The following FOXN3 variants were observed in gnomAD, a reference collection of about 807,000 sequenced individuals.
FOXN3 encodes the protein forkhead box N3.
Under a neutral mutation model 38.4 loss-of-function variants are expected in FOXN3, and 7 were observed. That is an observed-to-expected ratio of 0.18 (90% CI 0.10 to 0.34). FOXN3 has a LOEUF of 0.34. Among genes scored for constraint, FOXN3 ranks in the 10% least tolerant of loss-of-function variants. The probability of loss-of-function intolerance (pLI) is 1.00; values close to 1 mark genes in which losing one functional copy is unlikely to be tolerated. For synonymous variants in FOXN3, 230 were observed against 242.2 expected (o/e 0.95, Z 0.47); for missense variants, 456 against 613.4 (o/e 0.74, Z 2.71).
intron 3 of FOXN3, 60 bp downstream of exon 3, chr14:89,350,612 G>A: frequency 7.3e-7 from 1 of 1,369,906 alleles, no homozygotes; most frequent in Non-Finnish European, 9.6e-7. Flanking sequence ...TTTCCGCGCA[G>A]GTCTCTGCCA....
intron 1 of FOXN3, among the ~76,000 whole-genome samples, chr14:89,525,841 T>C (rs1029046877): frequency 6.6e-6 from 1 of 151,992 alleles, no homozygotes; most frequent in Non-Finnish European, 1.5e-5. Flanking sequence ...CCAATATCTC[T>C]CATGAATATA....
At chr14:89,432,577 C>T (rs1324372609) in intron 1 of FOXN3, among the ~76,000 whole-genome samples, 1 of 152,178 alleles carries the variant, frequency 6.6e-6, no homozygotes, top group Non-Finnish European at 1.5e-5. Flanking sequence ...CTTCAAGAAG[C>T]TCACTCATTT....
intron 1 of FOXN3, among the ~76,000 whole-genome samples, chr14:89,541,763 A>G (rs1004557012): frequency 6.6e-6 from 1 of 152,030 alleles, no homozygotes; most frequent in African/African-American, 2.4e-5. Flanking sequence ...CTTTCCCGTA[A>G]CAGTGCTATG....
At chr14:89,260,362 T>C (rs1489329011) in intron 4 of FOXN3, among the ~76,000 whole-genome samples, 2 of 152,262 alleles carry the variant, frequency 1.3e-5, no homozygotes, top group East Asian at 1.9e-4. Context: ...GCCAGGTCTC[T>C]GGGAGAGCCC....
Position 89,160,099 on chromosome 14 carries a change from T to G in FOXN3, c.*2315A>C, listed in dbSNP as rs544256420. The G allele has an allele frequency of 6.6e-6, 1 of 152,216 alleles. No homozygotes were observed. The highest frequency in any genetic ancestry group is 2.1e-4 in the South Asian group (1 of 4,810). The allele number at this position is 152,216 out of a possible 1,614,324, so 9.4% of individuals were successfully genotyped here. On this transcript the variant is annotated 3_prime_UTR_variant, in exon 6 of 6. Coordinates refer to ENST00000557258, the MANE Select transcript of FOXN3 (RefSeq NM_005197.4). The stretch of plus-strand genomic sequence containing the variant: ...TTTTAAAAGTTAAGGTCATCTCTGT[T>G]CCCTCCCTCTCCTCACGCATCATAT...
At position 89,394,212 on chromosome 14, in the gene FOXN3, C is replaced by CTTTT. The variant is rs35674375; in HGVS notation, c.543+17718_543+17721dup. Among the ~76,000 whole-genome samples the CTTTT allele has an allele frequency of 5.7e-4, 63 of 109,588 alleles. 2 individuals are homozygous for CTTTT. The highest frequency in any genetic ancestry group is 9.3e-4 in the African/African-American group (23 of 24,686). 71.9% of individuals were successfully genotyped at this position (109,588 alleles called of 152,430 possible). On this transcript the variant is annotated intron_variant, in intron 2 of 5. Transcript: ENST00000557258. ...CACCACCACAATGGGGATCGACGTT[C>CTTTT]TTTTTTTTTTTTTTTTTTTTTTGAG...
intron 4 of FOXN3, among the ~76,000 whole-genome samples, chr14:89,232,148 C>A (rs1350714992): frequency 6.6e-6 from 1 of 152,228 alleles, no homozygotes. Context: ...TTTTCCACAT[C>A]TAGGCCTGCC....
chr14:89,472,249 C>A (rs1431553636), intron 1 of FOXN3, among the ~76,000 whole-genome samples: 3 of 146,912 alleles, frequency 2.0e-5, no homozygotes, highest in African/African-American at 7.6e-5. Context: ...AGTGAGAACC[C>A]ATCTCAAAAA....
intron 1 of FOXN3, among the ~76,000 whole-genome samples, chr14:89,497,574 T>C (rs777231856): frequency 1.1e-4 from 16 of 151,576 alleles, no homozygotes; most frequent in South Asian, 6.3e-4. Flanking sequence ...GCCCGGCTAA[T>C]TTTGTATTTT....
chr14:89,298,139 A>T (rs1887102335), intron 3 of FOXN3, among the ~76,000 whole-genome samples: 1 of 152,244 alleles, frequency 6.6e-6, no homozygotes. Flanking sequence ...CATACGTTAT[A>T]ACATGAACCT....
chr14:89,465,865 T>C (rs1760734085), intron 1 of FOXN3, among the ~76,000 whole-genome samples: 1 of 152,268 alleles, frequency 6.6e-6, no homozygotes, highest in Non-Finnish European at 1.5e-5. Context: ...CTGGATTGTA[T>C]TGTAAAATTA....
intron 1 of FOXN3, among the ~76,000 whole-genome samples, chr14:89,470,272 T>A (rs1005991110): frequency 5.0e-5 from 7 of 141,314 alleles, no homozygotes; most frequent in African/African-American, 1.8e-4. Flanking sequence ...CTACAATTAT[T>A]ACATATTTCT....
chr14:89,291,733 T>C (rs532351097), intron 3 of FOXN3: 9 of 372,962 alleles, frequency 2.4e-5, no homozygotes, highest in South Asian at 9.0e-5. Context: ...TGCCATTCAG[T>C]TGGGACTTCA....
intron 2 of FOXN3, among the ~76,000 whole-genome samples, chr14:89,376,882 CAGGCGCCTGTAATCCCA>C (rs1229030724): frequency 6.6e-6 from 1 of 151,532 alleles, no homozygotes; most frequent in Non-Finnish European, 1.5e-5. Context: ...GGTATGGTGG[CAGGCGCCTGTAATCCCA>C]GCTACTCAGG....
chr14:89,516,346 CTCA>C (rs1894202289), intron 1 of FOXN3, among the ~76,000 whole-genome samples: 1 of 152,074 alleles, frequency 6.6e-6, no homozygotes, highest in South Asian at 2.1e-4. Flanking sequence ...GAGGCTTCCA[CTCA>C]TCTAAGGTGT....
chr14:89,235,822 C>A (rs1884962444), intron 4 of FOXN3, among the ~76,000 whole-genome samples: 1 of 135,250 alleles, frequency 7.4e-6, no homozygotes. Flanking sequence ...CTAGAAGCTG[C>A]AATAGGAAAG....
chr14:89,388,951 T>C (rs1047728210), intron 2 of FOXN3, among the ~76,000 whole-genome samples: 1 of 151,614 alleles, frequency 6.6e-6, no homozygotes, highest in Admixed American at 6.6e-5. Context: ...AAAACCAAAG[T>C]CGGGTGATCC....
At chr14:89,224,512 T>C (rs1884569263) in intron 4 of FOXN3, among the ~76,000 whole-genome samples, 1 of 152,230 alleles carries the variant, frequency 6.6e-6, no homozygotes, top group African/African-American at 2.4e-5. Context: ...ACCTTGCCCA[T>C]ATGATGTGAT....
chr14:89,506,932 C>T (rs1003632604), intron 1 of FOXN3, among the ~76,000 whole-genome samples: 7 of 152,058 alleles, frequency 4.6e-5, no homozygotes, highest in African/African-American at 1.7e-4. Context: ...AGGCAGCATG[C>T]TCGTTAAGAG....
Sources: allele counts gnomAD v4.1 joint callset (sites outside exome capture counted in the v4.1 genomes callset), GRCh38; gene constraint gnomAD v4.1.1; transcripts MANE v1.5; gene names NCBI Gene and HGNC (gene_info 2026-07-23, HGNC 2026-07-21).